Variants in NBAS observed in about 807,000 individuals in gnomAD.
The protein encoded by NBAS is NAG/BC035112 fusion.
Under a neutral mutation model 302.5 loss-of-function variants are expected in NBAS, and 219 were observed. That is an observed-to-expected ratio of 0.72 (90% CI 0.65 to 0.81). The LOEUF (loss-of-function observed/expected upper bound fraction) is 0.81, where lower values mean the gene tolerates loss of function less well. NBAS is among the 30% of genes least tolerant of loss of function. NBAS has a pLI of 0.00. For missense variants in NBAS, 2,932 were observed against 2,841.6 expected (o/e 1.03, Z -0.72); for synonymous variants, 1,118 against 1,021.6 (o/e 1.09, Z -1.80).
the NBAS span, among the ~76,000 whole-genome samples, chr2:15,133,790 G>A: frequency 6.6e-6 from 1 of 152,124 alleles, no homozygotes; most frequent in Non-Finnish European, 1.5e-5. Flanking sequence ...TTTAAAATAA[G>A]CATATATTAC....
chr2:15,496,514 T>C (rs560283366), intron 11 of NBAS, among the ~76,000 whole-genome samples: 9 of 152,216 alleles, frequency 5.9e-5, no homozygotes, highest in Non-Finnish European at 1.2e-4. Flanking sequence ...AAAATGGTTA[T>C]TAAACCACAT....
chr2:15,209,210 A>T (rs1666288973), intron 48 of NBAS, among the ~76,000 whole-genome samples: 1 of 152,200 alleles, frequency 6.6e-6, no homozygotes, highest in Non-Finnish European at 1.5e-5. Flanking sequence ...GAAATGGATA[A>T]ATTCCTAGAC....
chr2:15,535,396 C>T (rs773401957), intron 8 of NBAS, among the ~76,000 whole-genome samples: 2 of 152,050 alleles, frequency 1.3e-5, no homozygotes, highest in Non-Finnish European at 2.9e-5. Context: ...GTGGCGGGCA[C>T]CTGCAGTCTC....
At chr2:14,816,285 T>G in the NBAS span, among the ~76,000 whole-genome samples, 1 of 152,192 alleles carries the variant, frequency 6.6e-6, no homozygotes, top group Admixed American at 6.5e-5. Flanking sequence ...CCTGTCAGAT[T>G]AGCAGCGGCA....
intron 21 of NBAS, among the ~76,000 whole-genome samples, chr2:15,436,679 T>C (rs114337431): frequency 5.9e-5 from 9 of 152,308 alleles, no homozygotes; most frequent in Non-Finnish European, 1.0e-4. Flanking sequence ...AGGAAAAAAA[T>C]TGAAACCTTC....
At chr2:15,086,324 G>A in the NBAS span, among the ~76,000 whole-genome samples, 193 of 152,238 alleles carry the variant, frequency 1.3e-3, 2 homozygotes, top group African/African-American at 4.2e-3. Flanking sequence ...CCCTGGCTGT[G>A]GGAAGGAGCT....
chr2:14,924,459 A>G, the NBAS span, among the ~76,000 whole-genome samples: 1 of 152,256 alleles, frequency 6.6e-6, no homozygotes, highest in Non-Finnish European at 1.5e-5. Context: ...CTCTCCAGAT[A>G]TATGCAAAAG....
chr2:14,812,068 C>T, the NBAS span, among the ~76,000 whole-genome samples: 12 of 152,138 alleles, frequency 7.9e-5, no homozygotes, highest in Admixed American at 6.5e-4. Flanking sequence ...GGCTAGGGCA[C>T]TGGGATAGCT....
the NBAS span, among the ~76,000 whole-genome samples, chr2:14,873,186 G>C: frequency 1.3e-5 from 2 of 152,138 alleles, no homozygotes; most frequent in Non-Finnish European, 2.9e-5. Context: ...ACAGAGAGCT[G>C]ATTGGTCCAT....
chr2:15,515,093 A>G (rs1165818289), intron 9 of NBAS, among the ~76,000 whole-genome samples: 1 of 152,218 alleles, frequency 6.6e-6, no homozygotes, highest in Non-Finnish European at 1.5e-5. Context: ...GTCCTCAGGT[A>G]TGTTTAAAGG....
At chr2:15,524,424 G>C (rs924266997) in intron 9 of NBAS, among the ~76,000 whole-genome samples, 1 of 152,160 alleles carries the variant, frequency 6.6e-6, no homozygotes, top group Non-Finnish European at 1.5e-5. Flanking sequence ...ACATGTCCCG[G>C]TCCAAACTGG....
At chr2:14,982,179 T>C in the NBAS span, among the ~76,000 whole-genome samples, 4 of 152,172 alleles carry the variant, frequency 2.6e-5, no homozygotes, top group Non-Finnish European at 5.9e-5. Context: ...TCTGGTTGAC[T>C]GATCAAGCTG....
At chr2:14,845,765 AG>A in the NBAS span, among the ~76,000 whole-genome samples, 1 of 152,250 alleles carries the variant, frequency 6.6e-6, no homozygotes, top group South Asian at 2.1e-4. Flanking sequence ...TACAATTCAC[AG>A]GCTGAAGAAT....
chr2:15,559,211 C>T (rs958390499), intron 1 of NBAS, among the ~76,000 whole-genome samples: 3 of 151,692 alleles, frequency 2.0e-5, no homozygotes, highest in Admixed American at 2.0e-4. Flanking sequence ...AATCAAAAAC[C>T]AATCCAAAGA....
the NBAS span, among the ~76,000 whole-genome samples, chr2:15,090,564 A>T: frequency 6.6e-6 from 1 of 152,222 alleles, no homozygotes; most frequent in Admixed American, 6.5e-5. Context: ...CACATCTCTG[A>T]AATTACACTC....
chr2:14,912,587 T>A, the NBAS span, among the ~76,000 whole-genome samples: 1 of 152,016 alleles, frequency 6.6e-6, no homozygotes, highest in Non-Finnish European at 1.5e-5. Flanking sequence ...TCTCCTGACT[T>A]TTCTAGTTTA....
the NBAS span, among the ~76,000 whole-genome samples, chr2:15,067,755 A>G: frequency 6.6e-6 from 1 of 152,176 alleles, no homozygotes; most frequent in South Asian, 2.1e-4. Context: ...GCTGTCCAAC[A>G]CTGCGCCTAT....
At position 15,454,132 on chromosome 2, in the gene NBAS, G is replaced by A. The variant is rs1572876469; in HGVS notation, c.2339+7069C>T. On this transcript the variant is annotated intron_variant, in intron 21 of 51. Coordinates refer to ENST00000281513, the MANE Select transcript of NBAS (RefSeq NM_015909.4). ...AATCAACAGAGATTCCATCAACAGA[G>A]TTTTCCCATTAATACTATAAAATAT... Among the ~76,000 whole-genome samples, 4 of 151,910 alleles carry A rather than the reference G, an allele frequency of 2.6e-5. No individual in the cohort carries two copies. The South Asian group carries it at 8.3e-4, about 32-fold the overall frequency.
chr2:15,453,336 C>A (rs1184359522), intron 21 of NBAS, among the ~76,000 whole-genome samples: 1 of 152,198 alleles, frequency 6.6e-6, no homozygotes, highest in East Asian at 1.9e-4. Context: ...GATTGTCATA[C>A]AATTTATCAC....
Sources: gnomAD v4.1 joint callset for allele counts (sites outside exome capture counted in the v4.1 genomes callset) on GRCh38, gnomAD v4.1.1 for gene constraint, MANE v1.5 for transcripts, NCBI Gene and HGNC (gene_info 2026-07-23, HGNC 2026-07-21) for gene names.